PIP5K1B: variants seen among roughly 807,000 people sequenced by gnomAD.
PIP5K1B encodes phosphatidylinositol 4-phosphate 5-kinase type-1 beta.
PIP5K1B carries 42 observed loss-of-function variants against 67.0 expected under a neutral mutation model. The observed-to-expected ratio is 0.63, with a 90% confidence interval of 0.49 to 0.81. The LOEUF (loss-of-function observed/expected upper bound fraction) is 0.81, where lower values mean the gene tolerates loss of function less well. PIP5K1B is among the 30% of genes least tolerant of loss of function. PIP5K1B has a pLI of 0.00. For missense variants in PIP5K1B, 459 were observed against 646.3 expected, an observed-to-expected ratio of 0.71 and a Z score of 3.14; for synonymous variants, 214 against 231.4, an observed-to-expected ratio of 0.92 and a Z score of 0.68.
intron 2 of PIP5K1B, among the ~76,000 whole-genome samples, chr9:68,748,982 G>A (rs192770105): frequency 1.9e-4 from 29 of 152,224 alleles, no homozygotes; most frequent in Middle Eastern, 3.4e-3. Flanking sequence ...CTTCTGAGGT[G>A]GACAGAGCTG....
intron 14 of PIP5K1B, among the ~76,000 whole-genome samples, chr9:68,988,646 T>G (rs1363512428): frequency 1.3e-5 from 2 of 152,070 alleles, no homozygotes; most frequent in Non-Finnish European, 2.9e-5. Flanking sequence ...TGACAAGGTT[T>G]CACCATATTG....
At chr9:68,978,786 G>A (rs183237622) in intron 14 of PIP5K1B, among the ~76,000 whole-genome samples, 14 of 152,234 alleles carry the variant, frequency 9.2e-5, no homozygotes, top group Admixed American at 6.5e-4. Flanking sequence ...ATGTACCCAA[G>A]TTACCATCAC....
intron 1 of PIP5K1B, among the ~76,000 whole-genome samples, chr9:68,717,047 C>T (rs1383575768): frequency 2.6e-5 from 4 of 152,074 alleles, no homozygotes; most frequent in Non-Finnish European, 5.9e-5. Context: ...TACACATGGA[C>T]ATAAAATTGG....
intron 4 of PIP5K1B, among the ~76,000 whole-genome samples, chr9:68,849,785 G>A (rs901087959): frequency 2.0e-5 from 3 of 152,182 alleles, no homozygotes; most frequent in African/African-American, 7.2e-5. Flanking sequence ...TGTGAGAAGG[G>A]CACATTGGTG....
chr9:68,922,246 C>T (rs968456228), intron 11 of PIP5K1B, among the ~76,000 whole-genome samples: 61 of 152,212 alleles, frequency 4.0e-4, no homozygotes, highest in African/African-American at 1.4e-3. Flanking sequence ...GGGCAGATCA[C>T]TTGAGGTCAG....
chr9:68,755,273 C>G (rs961306206), intron 2 of PIP5K1B, among the ~76,000 whole-genome samples: 2 of 152,208 alleles, frequency 1.3e-5, no homozygotes, highest in African/African-American at 4.8e-5. Context: ...AATCCACTTT[C>G]GTTTTTACTA....
intron 4 of PIP5K1B, among the ~76,000 whole-genome samples, chr9:68,859,562 CT>C (rs780508053): frequency 6.6e-6 from 1 of 152,168 alleles, no homozygotes; most frequent in Non-Finnish European, 1.5e-5. Context: ...TGTCCTAGCA[CT>C]TTTAGAGCAT....
chr9:68,950,263 C>T (rs1261332151), intron 14 of PIP5K1B, among the ~76,000 whole-genome samples: 6 of 152,200 alleles, frequency 3.9e-5, no homozygotes, highest in Admixed American at 3.9e-4. Context: ...CTGACTCCCC[C>T]TCTTTGCTTA....
chr9:68,765,635 A>G (rs1182432323), intron 2 of PIP5K1B, among the ~76,000 whole-genome samples: 2 of 152,194 alleles, frequency 1.3e-5, no homozygotes, highest in Non-Finnish European at 2.9e-5. Context: ...TTAGAGAGAT[A>G]CTAATAGATT....
intron 1 of PIP5K1B, among the ~76,000 whole-genome samples, chr9:68,724,862 A>G (rs1828077931): frequency 6.6e-6 from 1 of 152,096 alleles, no homozygotes; most frequent in Non-Finnish European, 1.5e-5. Context: ...CTTTTTATTG[A>G]TTATTTTTAT....
intron 14 of PIP5K1B, among the ~76,000 whole-genome samples, chr9:68,945,900 T>C (rs1352010382): frequency 1.3e-5 from 2 of 152,250 alleles, no homozygotes; most frequent in Non-Finnish European, 2.9e-5. Context: ...CTTTTCTTTT[T>C]CCATGGGATT....
intron 2 of PIP5K1B, among the ~76,000 whole-genome samples, chr9:68,768,500 G>A (rs1285919656): frequency 6.6e-6 from 1 of 152,182 alleles, no homozygotes; most frequent in Non-Finnish European, 1.5e-5. Context: ...CAGTCCTGGG[G>A]AAGGAAGGCA....
At chr9:68,821,604 C>T (rs1833734649) in intron 3 of PIP5K1B, among the ~76,000 whole-genome samples, 1 of 152,200 alleles carries the variant, frequency 6.6e-6, no homozygotes. Context: ...AACAAGCCCC[C>T]ACTCACTGCT....
chr9:68,960,477 G>T (rs1587723180), intron 14 of PIP5K1B, among the ~76,000 whole-genome samples: 1 of 151,872 alleles, frequency 6.6e-6, no homozygotes, highest in African/African-American at 2.4e-5. Flanking sequence ...TTTTCTTGAT[G>T]ATTTCATTGC....
intron 2 of PIP5K1B, among the ~76,000 whole-genome samples, chr9:68,750,494 G>A (rs1829569009): frequency 6.6e-6 from 1 of 152,192 alleles, no homozygotes; most frequent in South Asian, 2.1e-4. Context: ...CCATTCAAAT[G>A]TGTGAAATAT....
At chr9:68,886,186 A>G (rs1173354115) in intron 6 of PIP5K1B, among the ~76,000 whole-genome samples, 1 of 152,174 alleles carries the variant, frequency 6.6e-6, no homozygotes, top group East Asian at 1.9e-4. Flanking sequence ...CTGAAAAAAA[A>G]AAAAGAAAAA....
intron 4 of PIP5K1B, among the ~76,000 whole-genome samples, chr9:68,834,444 G>T (rs571679686): frequency 6.6e-6 from 1 of 152,304 alleles, no homozygotes; most frequent in African/African-American, 2.4e-5. Flanking sequence ...AGGTGACTTT[G>T]TTTTGTAATA....
intron 4 of PIP5K1B, chr9:68,843,115 C>T (rs959121085): frequency 1.3e-5 from 2 of 152,182 alleles, no homozygotes; most frequent in East Asian, 3.9e-4. Context: ...GATAACCAAA[C>T]ATAGAATTTT....
intron 12 of PIP5K1B, among the ~76,000 whole-genome samples, chr9:68,928,932 G>C (rs141314069): frequency 1.3e-5 from 2 of 152,174 alleles, no homozygotes; most frequent in East Asian, 1.9e-4. Context: ...TGGGAGGCCG[G>C]GGTGGGCGGA....
Sources: allele counts gnomAD v4.1 joint callset (sites outside exome capture counted in the v4.1 genomes callset), GRCh38; gene constraint gnomAD v4.1.1; transcripts MANE v1.5; gene names NCBI Gene and HGNC (gene_info 2026-07-23, HGNC 2026-07-21).